The following RIMS2 variants were observed in gnomAD, a reference collection of about 807,000 sequenced individuals.
RIMS2 encodes the protein regulating synaptic membrane exocytosis 2, also known as regulating synaptic membrane exocytosis protein 2.
In RIMS2, 59 loss-of-function variants were observed where a neutral mutation model predicts 174.4. The ratio of observed to expected loss-of-function variants is 0.34; its 90% confidence interval spans 0.27 to 0.42. RIMS2 has a LOEUF of 0.42. Ranked by LOEUF, RIMS2 falls within the 10% of genes least tolerant of loss-of-function variation. The pLI is 1.00. For synonymous variants in RIMS2, 606 were observed against 572.5 expected, an observed-to-expected ratio of 1.06 and a Z score of -0.84; for missense variants, 1,620 against 1,666.3, an observed-to-expected ratio of 0.97 and a Z score of 0.48.
chr8:104,144,078 G>A (rs993137605), intron 19 of RIMS2, among the ~76,000 whole-genome samples: 1 of 151,840 alleles, frequency 6.6e-6, no homozygotes, highest in African/African-American at 2.4e-5. Context: ...TGTATTTGGG[G>A]AATACTTGTG....
intron 3 of RIMS2, among the ~76,000 whole-genome samples, chr8:103,775,992 C>G (rs772523792): frequency 1.4e-4 from 22 of 152,040 alleles, no homozygotes; most frequent in Non-Finnish European, 2.8e-4. Flanking sequence ...TAGGACAGTC[C>G]CAGTTTACAC....
intron 11 of RIMS2, among the ~76,000 whole-genome samples, chr8:103,930,250 C>T (rs2079641491): frequency 6.6e-6 from 1 of 151,810 alleles, no homozygotes; most frequent in Non-Finnish European, 1.5e-5. Flanking sequence ...TCAAAAGTTG[C>T]TCGGTGTCTC....
Position 103,936,736 on chromosome 8 carries a change from T to A in RIMS2, c.2547+14T>A. The A allele has an allele frequency of 6.3e-7, 1 of 1,583,194 alleles. No homozygotes were observed. Among genetic ancestry groups the A allele is most frequent in the Non-Finnish European group, 8.6e-7 (1 of 1,164,782 alleles). On this transcript the variant is annotated intron_variant, in intron 13 of 23. Transcript: ENST00000504942. Reference sequence around the variant, plus strand: ...TTCTTAGGCGAGGTATCTGGAGTTGTTTTAAAGTTTATGCTATTCATGTTA... The same window carrying A: ...TTCTTAGGCGAGGTATCTGGAGTTGATTTAAAGTTTATGCTATTCATGTTA...
chr8:104,019,686 C>T (rs2096033639), intron 19 of RIMS2, among the ~76,000 whole-genome samples: 1 of 152,148 alleles, frequency 6.6e-6, no homozygotes, highest in African/African-American at 2.4e-5. Context: ...TATCTACTAT[C>T]TAACTTTTAG....
At chr8:103,530,810 A>T (rs1836692791) in intron 1 of RIMS2, among the ~76,000 whole-genome samples, 1 of 151,932 alleles carries the variant, frequency 6.6e-6, no homozygotes, top group South Asian at 2.1e-4. Context: ...GACAAGACAG[A>T]TCTATGGTGT....
chr8:103,590,820 T>C lies in RIMS2; in HGVS notation c.176+89758T>C, dbSNP rs1423441200. 2.0e-5 allele frequency among the ~76,000 whole-genome samples: 3 copies of C among 151,272 alleles called. No homozygotes were observed. In the East Asian group the frequency reaches 5.8e-4, roughly 29 times the overall value. ...CATTTATGTTGTTGAATGTATCAGATAAATTTTTAGGATATTTCCTAATTT... is the reference window on the plus strand; with the variant it reads ...CATTTATGTTGTTGAATGTATCAGACAAATTTTTAGGATATTTCCTAATTT... On this transcript the variant is annotated intron_variant, in intron 1 of 23. Coordinates refer to ENST00000504942, the Ensembl canonical transcript of RIMS2.
At chr8:103,773,615 G>C (rs769159214) in intron 3 of RIMS2, among the ~76,000 whole-genome samples, 8 of 152,240 alleles carry the variant, frequency 5.3e-5, no homozygotes, top group Non-Finnish European at 8.8e-5. Context: ...TGTAATCCCA[G>C]CTACTCAGGA....
At position 104,080,340 on chromosome 8, in the gene RIMS2, G is replaced by T. The variant is rs576645142; in HGVS notation, c.3334+65725G>T. Among the ~76,000 whole-genome samples the T allele has an allele frequency of 4.6e-5, 7 of 152,058 alleles. No individual in the cohort carries two copies. The South Asian group carries it at 6.2e-4, about 14-fold the overall frequency. ...ATTAAGTAAATTATTTAATCTCAGA[G>T]CCTAGTCTTAAAATTAGATTTGAAA... On this transcript the variant is annotated intron_variant, in intron 19 of 23. Transcript: ENST00000504942.
At chr8:103,507,329 C>T (rs942373475) in intron 1 of RIMS2, among the ~76,000 whole-genome samples, 2 of 151,976 alleles carry the variant, frequency 1.3e-5, no homozygotes, top group Non-Finnish European at 2.9e-5. Flanking sequence ...GATTTATTTA[C>T]TTGTTTATGG....
At chr8:103,654,052 A>G (rs1328097077) in intron 1 of RIMS2, among the ~76,000 whole-genome samples, 1 of 152,100 alleles carries the variant, frequency 6.6e-6, no homozygotes, top group Non-Finnish European at 1.5e-5. Flanking sequence ...TTAAAATGCC[A>G]CACAATGTCA....
chr8:104,229,510 G>A (rs936918582), intron 19 of RIMS2, among the ~76,000 whole-genome samples: 2 of 152,138 alleles, frequency 1.3e-5, no homozygotes, highest in Admixed American at 6.5e-5. Context: ...CCAAACCCAT[G>A]AGCAGAAATC....
At chr8:104,003,202 C>T (rs1216238157) in intron 17 of RIMS2, among the ~76,000 whole-genome samples, 1 of 152,006 alleles carries the variant, frequency 6.6e-6, no homozygotes, top group East Asian at 1.9e-4. Context: ...TCATGGAAGA[C>T]ACAACAACTC....
chr8:104,244,055 A>G (rs1002176929), intron 19 of RIMS2, among the ~76,000 whole-genome samples: 5 of 151,918 alleles, frequency 3.3e-5, no homozygotes, highest in African/African-American at 1.2e-4. Context: ...CAATCTGCCT[A>G]TGTTTCATGT....
At chr8:103,826,241 T>C (rs931434326) in intron 3 of RIMS2, among the ~76,000 whole-genome samples, 1 of 152,166 alleles carries the variant, frequency 6.6e-6, no homozygotes, top group Non-Finnish European at 1.5e-5. Context: ...AAATGTAATT[T>C]ACTAATTGTC....
intron 1 of RIMS2, among the ~76,000 whole-genome samples, chr8:103,633,192 A>ATTT (rs150376641): frequency 0.1 from 13,992 of 134,678 alleles, 933 homozygotes; most frequent in Non-Finnish European, 0.16. Context: ...ACGCCCGGCT[A>ATTT]TTTTTTTTTT....
chr8:103,940,548 A>G (rs1257310821), intron 13 of RIMS2, among the ~76,000 whole-genome samples: 1 of 152,140 alleles, frequency 6.6e-6, no homozygotes, highest in Non-Finnish European at 1.5e-5. Flanking sequence ...AAAAACAACA[A>G]TCTGTAGAAA....
chr8:104,050,094 C>T (rs1241837210), intron 19 of RIMS2, among the ~76,000 whole-genome samples: 1 of 152,100 alleles, frequency 6.6e-6, no homozygotes, highest in African/African-American at 2.4e-5. Context: ...ATGCTAGACT[C>T]AAATCATTCC....
intron 3 of RIMS2, among the ~76,000 whole-genome samples, chr8:103,809,860 C>T (rs747144638): frequency 2.6e-5 from 4 of 152,100 alleles, no homozygotes; most frequent in Non-Finnish European, 5.9e-5. Flanking sequence ...AGGAAGCTGA[C>T]GTCCTGCTAA....
chr8:103,985,312 A>G (rs1193215922), intron 16 of RIMS2, among the ~76,000 whole-genome samples: 5 of 151,774 alleles, frequency 3.3e-5, no homozygotes, highest in East Asian at 3.9e-4. Context: ...CGTCTCTACT[A>G]AAAATACAAA....
Sources: gnomAD v4.1 joint callset for allele counts (sites outside exome capture counted in the v4.1 genomes callset) on GRCh38, gnomAD v4.1.1 for gene constraint, MANE v1.5 for transcripts, NCBI Gene and HGNC (gene_info 2026-07-23, HGNC 2026-07-21) for gene names.